Variants in FMO5 observed in about 807,000 individuals in gnomAD.
FMO5 encodes flavin-containing monooxygenase 5.
A neutral mutation model predicts 43.6 loss-of-function variants in FMO5; 51 were observed. The observed-to-expected ratio is 1.17, with a 90% CI of 0.93 to 1.48. FMO5 has a LOEUF of 1.48. Among genes scored for constraint, FMO5 ranks in the 40% most tolerant of loss-of-function variants. FMO5 has a pLI of 0.00. For synonymous variants in FMO5, 187 were observed against 216.5 expected (o/e 0.86, Z 1.20); for missense variants, 644 against 643.0 (o/e 1.00, Z -0.02).
intron 8 of FMO5, among the ~76,000 whole-genome samples, chr1:147,187,624 A>T (rs1437253626): frequency 6.6e-6 from 1 of 152,150 alleles, no homozygotes; most frequent in Non-Finnish European, 1.5e-5. Flanking sequence ...CCATCACAAA[A>T]ATTCTCAAGT....
Position 147,201,375 on chromosome 1 carries a change from C to G in FMO5, c.960G>C (p.Glu320Asp). Residue 320 changes from glutamate to aspartate, a missense_variant, in exon 7 of 9, where the codon GAG becomes GAC. Glu to Asp is a conservative substitution (Grantham distance 45). Transcript: ENST00000254090. ...CAAAGATAACAGCATCAATGTCATC[C>G]TCCCTGGAGCCATCCTCAAATATGG... is the stretch of plus-strand genomic sequence containing the variant. The part of the protein sequence containing the change: ...TAAIFEDGSR[E>D]DDIDAVIFAT... The G allele has an allele frequency of 6.2e-7, 1 of 1,614,160 alleles. No individual in the cohort carries two copies. Among genetic ancestry groups the G allele is most frequent in the Non-Finnish European group, 8.5e-7 (1 of 1,180,002 alleles).
chr1:147,187,642 C>T (rs1655868713), intron 8 of FMO5, among the ~76,000 whole-genome samples: 1 of 152,110 alleles, frequency 6.6e-6, no homozygotes, highest in African/African-American at 2.4e-5. Context: ...AGTATGGCAT[C>T]CTCTATTATT....
chr1:147,186,718 T>C lies in FMO5; in HGVS notation c.*182A>G, dbSNP rs1655675181. On this transcript the variant is annotated 3_prime_UTR_variant, in exon 9 of 9. Coordinates refer to ENST00000254090, the MANE Select transcript of FMO5 (RefSeq NM_001461.4). ...TGACGGATCATGAGTGGAAGGGAGA[T>C]GAGTTAATACAAATGGAAAACAGGT... is the stretch of plus-strand genomic sequence containing the variant. 7.1e-7 allele frequency: 1 copy of C among 1,415,906 alleles called. No homozygotes were observed. Among genetic ancestry groups the C allele is most frequent in the Non-Finnish European group, 9.2e-7 (1 of 1,090,432 alleles). The allele number at this position is 1,415,906 out of a possible 1,614,324, so 87.7% of individuals were successfully genotyped here. A position where few individuals can be genotyped will look rare whatever the true frequency, so the allele number is the denominator to read the frequency against.
At chr1:147,204,699 T>C (rs1659650617) in intron 6 of FMO5, 2 of 1,541,372 alleles carry the variant, frequency 1.3e-6, no homozygotes, top group South Asian at 2.2e-5. Context: ...CAGGATGCTG[T>C]ACTTCTAGTT....
rs587668443 is a variant in FMO5 at position 147,197,393 on chromosome 1, C to T, written c.1183+3759G>A. Reference sequence around the variant, plus strand: ...TCTGCTGAATGAACAAATCATTAAGCGTCTGTTTACTTGTCTGTCTTTGAT... The same window carrying T: ...TCTGCTGAATGAACAAATCATTAAGTGTCTGTTTACTTGTCTGTCTTTGAT... On this transcript the variant is annotated intron_variant, in intron 7 of 8. Coordinates refer to ENST00000254090, the MANE Select transcript of FMO5 (RefSeq NM_001461.4). Among the ~76,000 whole-genome samples the T allele has an allele frequency of 6.8e-4, 104 of 152,174 alleles. 2 individuals are homozygous for T. Among genetic ancestry groups the T allele is most frequent in the African/African-American group, 2.3e-3 (97 of 41,510 alleles).
At chr1:147,213,273 G>T (rs1553924122) in intron 4 of FMO5, 35 bp downstream of exon 4, 1 of 1,548,700 alleles carries the variant, frequency 6.5e-7, no homozygotes, top group Admixed American at 1.9e-5. Context: ...TCACAGGCAT[G>T]GGTCAAGGGT....
intron 6 of FMO5, chr1:147,204,758 G>A (rs7546434): frequency 0.046 from 70,439 of 1,533,656 alleles, 1,818 homozygotes; most frequent in African/African-American, 0.092. Context: ...TTCTCCAAGT[G>A]GTTGATAACC....
intron 7 of FMO5, among the ~76,000 whole-genome samples, chr1:147,198,682 G>A (rs1553920281): frequency 6.6e-6 from 1 of 151,612 alleles, no homozygotes; most frequent in South Asian, 2.1e-4. Flanking sequence ...AACCCCGTCT[G>A]TATTAAAAAC....
downstream of FMO5, chr1:147,184,410 T>G: frequency 7.4e-7 from 1 of 1,343,676 alleles, no homozygotes; most frequent in Non-Finnish European, 9.7e-7. This position sits in a 1 kb window ranked among gnomAD's most constrained non-coding sequence, Gnocchi z 4.4. Context: ...AATGCATACT[T>G]TATTAATATT....
At position 147,201,437 on chromosome 1, in the gene FMO5, C is replaced by T. The variant is rs587683297; in HGVS notation, c.898G>A (p.Val300Met). The T allele has an allele frequency of 6.2e-6, 10 of 1,614,144 alleles. No homozygotes were observed. Among genetic ancestry groups the T allele is most frequent in the East Asian group, 2.2e-5 (1 of 44,872 alleles). ...PNRIISGLVK[V>M]KGNVKEFTET... ...GTGAATTCCTTCACATTTCCTTTCACTTTCACCAAGCCAGAAATGATACGA... is the reference window on the plus strand; with the variant it reads ...GTGAATTCCTTCACATTTCCTTTCATTTTCACCAAGCCAGAAATGATACGA... The change falls in exon 7 of 9, where the codon GTG (valine) becomes ATG (methionine). Residue 300 changes from valine to methionine, a missense_variant. Physicochemically the swap from Val to Met is conservative, Grantham distance 21. Transcript: ENST00000254090.
At chr1:147,219,365 G>A (rs1427424547) in intron 2 of FMO5, among the ~76,000 whole-genome samples, 2 of 151,928 alleles carry the variant, frequency 1.3e-5, no homozygotes, top group Non-Finnish European at 2.9e-5. Context: ...AAAACCAGTC[G>A]ACTTATTAAG....
chr1:147,203,438 C>T (rs56047816), intron 6 of FMO5: 30,067 of 843,574 alleles, frequency 0.036, 886 homozygotes, highest in South Asian at 0.092. Flanking sequence ...AGAACACCAG[C>T]TTCCAACATG....
chr1:147,215,533 C>T (rs1372820), intron 3 of FMO5: 1 of 484,174 alleles, frequency 2.1e-6, no homozygotes, highest in South Asian at 3.4e-5. Flanking sequence ...ACTCTGCCAG[C>T]TGGCTTCCTG....
In FMO5 at chr1:147,186,281, G is replaced by A. The variant is rs1655607262; in HGVS notation, c.*619C>T. 1 of 970,760 alleles carries A rather than the reference G, an allele frequency of 1.0e-6. No homozygotes were observed. Among genetic ancestry groups the A allele is most frequent in the Non-Finnish European group, 1.2e-6 (1 of 816,812 alleles). The allele number at this position is 970,760 out of a possible 1,614,324, so 60.1% of individuals were successfully genotyped here. A position where few individuals can be genotyped will look rare whatever the true frequency, so the allele number is the denominator to read the frequency against. Reference sequence around the variant, plus strand: ...GAAAGTTGAAAGTAATTTCTTTATTGAGAAAATAAAGACATGGTTCCTAAG... The same window carrying A: ...GAAAGTTGAAAGTAATTTCTTTATTAAGAAAATAAAGACATGGTTCCTAAG... On this transcript the variant is annotated 3_prime_UTR_variant, in exon 9 of 9. Coordinates refer to ENST00000254090, the MANE Select transcript of FMO5 (RefSeq NM_001461.4).
At chr1:147,204,552 C>G (rs1467649538) in intron 6 of FMO5, 3 of 1,584,616 alleles carry the variant, frequency 1.9e-6, no homozygotes, top group Non-Finnish European at 2.6e-6. Context: ...CTTCTATGAC[C>G]TCTGAAACTG....
intron 2 of FMO5, among the ~76,000 whole-genome samples, chr1:147,217,243 AAAAAAG>A (rs781844809): frequency 4.0e-5 from 6 of 151,410 alleles, no homozygotes; most frequent in African/African-American, 4.9e-5. Context: ...CCGTCTACAA[AAAAAAG>A]AAAAAGAAAA....
chr1:147,204,687 A>C, intron 6 of FMO5: 8 of 1,565,468 alleles, frequency 5.1e-6, no homozygotes, highest in Non-Finnish European at 7.0e-6. Flanking sequence ...TCATTTTTGC[A>C]GCAGGATGCT....
At chr1:147,226,549 CAG>C (rs1300703832), upstream of FMO5, among the ~76,000 whole-genome samples, 8 of 152,250 alleles carry the variant, frequency 5.3e-5, no homozygotes, top group African/African-American at 1.4e-4. Flanking sequence ...ACCAATATAA[CAG>C]ATACAAGATT....
chr1:147,224,584 A>C (rs1419428209), intron 2 of FMO5, among the ~76,000 whole-genome samples: 2 of 151,838 alleles, frequency 1.3e-5, no homozygotes, highest in East Asian at 3.9e-4. Context: ...ATCTCGGCTC[A>C]CTGCAAGCTC....
Sources: gnomAD v4.1 joint callset for allele counts (sites outside exome capture counted in the v4.1 genomes callset) on GRCh38, gnomAD v4.1.1 for gene constraint, Gnocchi (gnomAD v3.1) non-coding constraint, MANE v1.5 for transcripts, NCBI Gene and HGNC (gene_info 2026-07-23, HGNC 2026-07-21) for gene names.